PARP14: variants seen among roughly 807,000 people sequenced by gnomAD.
PARP14 encodes the protein protein mono-ADP-ribosyltransferase PARP14.
Under a neutral mutation model 154.2 loss-of-function variants are expected in PARP14, and 59 were observed. That is an observed-to-expected ratio of 0.38 (90% confidence interval 0.31 to 0.48). The LOEUF (loss-of-function observed/expected upper bound fraction) is 0.48. PARP14 is among the 20% of genes least tolerant of loss of function. The pLI, the probability that PARP14 is intolerant of heterozygous loss-of-function variation, is 0.98. For missense variants in PARP14, 1,734 were observed against 2,131.6 expected, an observed-to-expected ratio of 0.81 and a Z score of 3.67; for synonymous variants, 720 against 780.5, an observed-to-expected ratio of 0.92 and a Z score of 1.29.
At chr3:122,687,865 A>T (rs1392086730) in intron 3 of PARP14, among the ~76,000 whole-genome samples, 1 of 152,266 alleles carries the variant, frequency 6.6e-6, no homozygotes, top group Non-Finnish European at 1.5e-5. Flanking sequence ...TGAACAATGT[A>T]TAATCATTGT....
At chr3:122,726,905 C>A in intron 15 of PARP14, among the ~76,000 whole-genome samples, 1 of 111,222 alleles carries the variant, frequency 9.0e-6, no homozygotes, top group Non-Finnish European at 1.7e-5. Context: ...ATTTTAAAAT[C>A]ATCAACCAGA....
rs187146981 is a variant in PARP14, at chr3:122,682,895, A to C, written c.187+1825A>C. On this transcript the variant is annotated intron_variant, in intron 1 of 16. Transcript: ENST00000474629. ...GGTGAAACCCTGTCTCTACTAAAACACACAAAAAAATTAGCCGAGCGTGGT... is the reference window on the plus strand; with the variant it reads ...GGTGAAACCCTGTCTCTACTAAAACCCACAAAAAAATTAGCCGAGCGTGGT... Among the ~76,000 whole-genome samples, 354 of 152,186 alleles carry C rather than the reference A, an allele frequency of 2.3e-3. 1 individual carries two copies. Among genetic ancestry groups the C allele is most frequent in the Non-Finnish European group, 3.5e-3 (240 of 68,006 alleles).
chr3:122,692,328 TC>T lies in PARP14; in HGVS notation c.386del (p.Pro129LeufsTer6). The part of the protein sequence containing the change: ...PDVSEELDTK[L>X]PLDGGLDKME... ...GTGTCAGAAGAATTGGATACAAAAC[TC>T]CCTCTTGATGGTGGATTAGACAAAA... On this transcript the variant is annotated frameshift_variant, in exon 4 of 17. Transcript: ENST00000474629. LOFTEE classifies it high-confidence loss of function. The T allele has an allele frequency of 6.2e-7, 1 of 1,612,314 alleles. No individual in the cohort carries two copies. Among genetic ancestry groups the T allele is most frequent in the South Asian group, 1.1e-5 (1 of 91,038 alleles).
chr3:122,705,763 T>C (rs1050139013), intron 8 of PARP14, among the ~76,000 whole-genome samples: 1 of 152,236 alleles, frequency 6.6e-6, no homozygotes, highest in Admixed American at 6.5e-5. Context: ...CATTTTTCTG[T>C]GATGCTAGAT....
intron 8 of PARP14, among the ~76,000 whole-genome samples, chr3:122,705,593 A>T (rs1474132467): frequency 6.6e-6 from 1 of 152,232 alleles, no homozygotes; most frequent in Admixed American, 6.5e-5. Flanking sequence ...TTAAGCCATT[A>T]TCCCTGCACT....
chr3:122,704,400 T>A, intron 7 of PARP14, 127 bp from the exon 8 acceptor site: 3 of 615,652 alleles, frequency 4.9e-6, no homozygotes, highest in Non-Finnish European at 8.7e-6. Context: ...CCTCTTCTGA[T>A]TGCCCTTAAT....
intron 8 of PARP14, 48 bp downstream of exon 8, chr3:122,704,796 T>G (rs940129118): frequency 9.8e-6 from 10 of 1,019,136 alleles, no homozygotes; most frequent in Middle Eastern, 2.7e-4. Context: ...AGACCTAGTG[T>G]TTTTTCAAAT....
chr3:122,701,778 CA>C lies in PARP14; in HGVS notation c.3081+145del. On this transcript the variant is annotated intron_variant, in intron 6 of 16. Transcript: ENST00000474629. The surrounding 1 kb of genome is among the most constrained non-coding windows in gnomAD (Gnocchi z 4.0). ...CATGCCTTCCACCCCTGCCTTGAAACAATTTTCCTTAGATAATTGGGCTTCT... is the reference window on the plus strand; with the variant it reads ...CATGCCTTCCACCCCTGCCTTGAAACATTTTCCTTAGATAATTGGGCTTCT... The C allele has an allele frequency of 1.5e-6, 1 of 653,934 alleles. No individual in the cohort carries two copies. The highest frequency in any genetic ancestry group is 2.6e-6 in the Non-Finnish European group (1 of 383,838). 40.5% of individuals were successfully genotyped at this position (653,934 alleles called of 1,614,324 possible).
Position 122,703,901 on chromosome 3 carries a change from A to T in PARP14, c.3241A>T (p.Ser1081Cys). Residue 1081 changes from serine to cysteine, a missense_variant, in exon 7 of 17, where the codon AGC (serine) becomes TGC (cysteine). By Grantham distance (112) the Ser-to-Cys change is moderately radical. Around this residue, in one of 2 missense-constraint regions of PARP14, gnomAD observed 1,646 missense variants for 1,976.0 expected, o/e 0.83. Transcript: ENST00000474629. ...CATGGGCACAGTGCTCAAAACCAGC[A>T]GCTGGAATCTGGACTGTCGCTATGT... ...VSMGTVLKTS[S>C]WNLDCRYVLH... 2 of 1,614,044 alleles carry T rather than the reference A, an allele frequency of 1.2e-6. No individual in the cohort carries two copies. Among genetic ancestry groups the T allele is most frequent in the Non-Finnish European group, 1.7e-6 (2 of 1,179,898 alleles).
chr3:122,717,308 G>A (rs569436300), intron 12 of PARP14, among the ~76,000 whole-genome samples: 1 of 152,284 alleles, frequency 6.6e-6, no homozygotes, highest in East Asian at 1.9e-4. Context: ...TTATTCACAT[G>A]GGACTGTTCC....
chr3:122,726,652 T>A (rs996590278), intron 15 of PARP14, among the ~76,000 whole-genome samples: 2 of 152,192 alleles, frequency 1.3e-5, no homozygotes, highest in African/African-American at 4.8e-5. Flanking sequence ...ATGAGAAATG[T>A]AGAATCAGGT....
chr3:122,718,131 T>C lies in PARP14; in HGVS notation c.4061T>C (p.Phe1354Ser). 1.2e-6 allele frequency: 2 copies of C among 1,613,940 alleles called. No individual in the cohort carries two copies. The highest frequency in any genetic ancestry group is 2.2e-5 in the East Asian group (1 of 44,874). Residue 1354 changes from phenylalanine (F) to serine (S), a missense_variant, in exon 13 of 17, where the codon TTT becomes TCT. Phe to Ser is a radical substitution (Grantham distance 155). Around this residue, in one of 2 missense-constraint regions of PARP14, gnomAD observed 1,646 missense variants for 1,976.0 expected, o/e 0.83. Coordinates refer to ENST00000474629, the MANE Select transcript of PARP14 (RefSeq NM_017554.3). ...GCCATAATTGATGCCATTGAAGACT[T>C]TGTCCAGAAAGGATCAGCCCAGTCT... ...AEAIIDAIED[F>S]VQKGSAQSVK...
In PARP14 at chr3:122,728,690, G is replaced by T; in HGVS notation, c.*93G>T. On this transcript the variant is annotated 3_prime_UTR_variant, in exon 17 of 17. Coordinates refer to ENST00000474629, the MANE Select transcript of PARP14 (RefSeq NM_017554.3). ...CTTTTTTTTTTAATTCCTCTTAACA[G>T]ATTTTTCTAATATCCAAGGATCATT... The T allele has an allele frequency of 3.2e-6, 3 of 942,260 alleles. No individual in the cohort carries two copies. The highest frequency in any genetic ancestry group is 1.6e-5 in the South Asian group (1 of 60,746). The allele number at this position is 942,260 out of a possible 1,614,324, so 58.4% of individuals were successfully genotyped here.
At position 122,727,836 on chromosome 3, in the gene PARP14, C is replaced by A. The variant is rs1397677035; in HGVS notation, c.4966C>A (p.Leu1656Ile). 4 of 1,609,062 alleles carry A rather than the reference C, an allele frequency of 2.5e-6. No individual in the cohort carries two copies. The highest frequency in any genetic ancestry group is 3.4e-6 in the Non-Finnish European group (4 of 1,176,802). Residue 1656 changes from leucine to isoleucine, a missense_variant, in exon 16 of 17, where the codon CTC (leucine) becomes ATC (isoleucine). Around this residue, in one of 2 missense-constraint regions of PARP14, gnomAD observed 1,646 missense variants for 1,976.0 expected, o/e 0.83. Transcript: ENST00000474629. ...GATTGAGAGGATCCAGAATCCAGAT[C>A]TCTGGAATAGCTACCAGGCAAAGAA... Reference protein sequence around the residue: ...EKIERIQNPDLWNSYQAKKKT... With the variant: ...EKIERIQNPDIWNSYQAKKKT...
At chr3:122,726,616 A>T (rs976746438) in intron 15 of PARP14, among the ~76,000 whole-genome samples, 1 of 151,924 alleles carries the variant, frequency 6.6e-6, no homozygotes, top group African/African-American at 2.4e-5. Context: ...TTTATTTGCA[A>T]TTTTTTTTAC....
At chr3:122,694,617 A>G (rs1479178037) in intron 4 of PARP14, among the ~76,000 whole-genome samples, 2 of 152,002 alleles carry the variant, frequency 1.3e-5, no homozygotes, top group African/African-American at 2.4e-5. Context: ...TCAGCTCACT[A>G]CAAGTGATTC....
chr3:122,711,783 G>A (rs748035083), intron 9 of PARP14, among the ~76,000 whole-genome samples: 3 of 151,922 alleles, frequency 2.0e-5, no homozygotes, highest in Non-Finnish European at 2.9e-5. Flanking sequence ...TCTGTTCAAG[G>A]TTTCTGTTTC....
chr3:122,695,599 G>T lies in PARP14; in HGVS notation c.772G>T (p.Val258Phe). ...AAATCCCTATAATGGAGGGGGAAGA[G>T]TTGCCAATGTTGAATATTTTCCTGA... ...FENPYNGGGR[V>F]ANVEYFPEES... The change falls in exon 5 of 17, where the codon GTT (valine) becomes TTT (phenylalanine). Residue 258 changes from valine to phenylalanine, a missense_variant. By Grantham distance (50) the Val-to-Phe change is conservative. This residue lies in a region of PARP14 where 1,646 missense variants were observed against 1,976.0 expected (regional missense o/e 0.83). Coordinates refer to ENST00000474629, the MANE Select transcript of PARP14 (RefSeq NM_017554.3). 1.2e-6 allele frequency: 2 copies of T among 1,610,708 alleles called. No individual in the cohort carries two copies. Among genetic ancestry groups the T allele is most frequent in the Non-Finnish European group, 1.7e-6 (2 of 1,177,374 alleles).
chr3:122,723,861 T>G (rs1933218603), intron 15 of PARP14, among the ~76,000 whole-genome samples: 1 of 152,246 alleles, frequency 6.6e-6, no homozygotes, highest in Non-Finnish European at 1.5e-5. Flanking sequence ...CACTGGAGGT[T>G]GCAGGATGTT....
Sources: allele counts gnomAD v4.1 joint callset (sites outside exome capture counted in the v4.1 genomes callset), GRCh38; gene constraint gnomAD v4.1.1; regional missense constraint gnomAD v4.1.1; non-coding constraint Gnocchi (gnomAD v3.1); transcripts MANE v1.5; gene names NCBI Gene and HGNC (gene_info 2026-07-23, HGNC 2026-07-21).